FBN2: variants seen among roughly 807,000 people sequenced by gnomAD.
FBN2 encodes fibrillin-2.
FBN2 carries 105 observed loss-of-function variants against 355.6 expected under a neutral mutation model. That is an observed-to-expected ratio of 0.30 (90% CI 0.25 to 0.35). The LOEUF (loss-of-function observed/expected upper bound fraction) is 0.35. FBN2 is among the 10% of genes least tolerant of loss of function. The probability of loss-of-function intolerance (pLI) is 1.00; values close to 1 mark genes in which losing one functional copy is unlikely to be tolerated. For missense variants in FBN2, 3,280 were observed against 3,758.7 expected, an observed-to-expected ratio of 0.87 and a Z score of 3.33; for synonymous variants, 1,350 against 1,301.2, an observed-to-expected ratio of 1.04 and a Z score of -0.81.
At chr5:128,531,551 C>T (rs1756706041) in intron 2 of FBN2, among the ~76,000 whole-genome samples, 1 of 151,860 alleles carries the variant, frequency 6.6e-6, no homozygotes. Context: ...ACCCCAATAA[C>T]TTATGGAAAA....
At chr5:128,407,969 A>T (rs1206297685) in intron 8 of FBN2, among the ~76,000 whole-genome samples, 1 of 152,220 alleles carries the variant, frequency 6.6e-6, no homozygotes, top group Non-Finnish European at 1.5e-5. Context: ...CCTGCACTAC[A>T]TGAATCTTTA....
chr5:128,409,168 T>C (rs899821946), intron 7 of FBN2, among the ~76,000 whole-genome samples: 1 of 152,252 alleles, frequency 6.6e-6, no homozygotes, highest in Non-Finnish European at 1.5e-5. Flanking sequence ...CATTTTAAAA[T>C]ATAGAATAAC....
At chr5:128,260,060 T>C (rs1764927362) in intron 64 of FBN2, among the ~76,000 whole-genome samples, 1 of 152,148 alleles carries the variant, frequency 6.6e-6, no homozygotes, top group Admixed American at 6.5e-5. Flanking sequence ...TTAGGACTTC[T>C]CACTCAGCCT....
rs1201112793 is a variant in FBN2, at chr5:128,258,033, C to T, written c.*1422G>A. On this transcript the variant is annotated 3_prime_UTR_variant, in exon 65 of 65. Transcript: ENST00000262464. ...TCTTGATTACAAATTTACACTGTTCCTTTTTTCTTTTTAGTTATTAAAAAA... is the reference window on the plus strand; with the variant it reads ...TCTTGATTACAAATTTACACTGTTCTTTTTTTCTTTTTAGTTATTAAAAAA... 1 of 151,902 alleles carries T rather than the reference C, an allele frequency of 6.6e-6. No homozygotes were observed. The highest frequency in any genetic ancestry group is 2.4e-5 in the African/African-American group (1 of 40,966). 9.4% of individuals were successfully genotyped at this position (151,902 alleles called of 1,614,324 possible). A position where few individuals can be genotyped will look rare whatever the true frequency, so the allele number is the denominator to read the frequency against.
At chr5:128,500,035 C>A (rs1317380480) in intron 5 of FBN2, among the ~76,000 whole-genome samples, 1 of 152,082 alleles carries the variant, frequency 6.6e-6, no homozygotes, top group African/African-American at 2.4e-5. Context: ...TAAAGTGCAA[C>A]AATATTAGTC....
intron 2 of FBN2, among the ~76,000 whole-genome samples, chr5:128,535,304 AAGCATCTATCTC>A (rs747750208): frequency 3.5e-4 from 54 of 152,164 alleles, no homozygotes; most frequent in Non-Finnish European, 5.4e-4. Context: ...AAATAACATT[AAGCATCTATCTC>A]AAAACCACAA....
intron 6 of FBN2, among the ~76,000 whole-genome samples, chr5:128,460,552 C>A (rs750214490): frequency 7.2e-5 from 11 of 152,106 alleles, no homozygotes; most frequent in Non-Finnish European, 1.5e-5. Context: ...ATAACCAAGA[C>A]AATCCTAAGC....
intron 62 of FBN2, among the ~76,000 whole-genome samples, chr5:128,265,711 A>T (rs182004472): frequency 6.6e-6 from 1 of 152,362 alleles, no homozygotes; most frequent in African/African-American, 2.4e-5. Context: ...CTACATCTGT[A>T]CACTCTATCT....
chr5:128,393,988 G>GA (rs1367597967), intron 9 of FBN2, among the ~76,000 whole-genome samples: 1 of 151,648 alleles, frequency 6.6e-6, no homozygotes, highest in African/African-American at 2.4e-5. Flanking sequence ...GTATCAGAAG[G>GA]AAAAAAAATT....
At position 128,261,759 on chromosome 5, in the gene FBN2, T is replaced by C; in HGVS notation, c.8341A>G (p.Ile2781Val). 6.2e-7 allele frequency: 1 copy of C among 1,614,246 alleles called. No individual in the cohort carries two copies. The highest frequency in any genetic ancestry group is 1.3e-5 in the African/African-American group (1 of 75,078). The change falls in exon 64 of 65, where the codon ATT becomes GTT. Residue 2781 changes from isoleucine (I) to valine (V), a missense_variant. Coordinates refer to ENST00000262464, the MANE Select transcript of FBN2 (RefSeq NM_001999.4). Reference sequence around the variant, plus strand: ...ACAGCAGTGGGATCAGGTTCATGAATACTTCTCTTCTGCCTGCTGTCTTTC... The same window carrying C: ...ACAGCAGTGGGATCAGGTTCATGAACACTTCTCTTCTGCCTGCTGTCTTTC... ...SKKDSRQKRS[I>V]HEPDPTAVEQ...
chr5:128,482,978 T>C (rs1755237456), intron 5 of FBN2, among the ~76,000 whole-genome samples: 1 of 152,034 alleles, frequency 6.6e-6, no homozygotes, highest in Non-Finnish European at 1.5e-5. Flanking sequence ...ATAAAGAAAA[T>C]ATGGTACATA....
In FBN2 at chr5:128,305,005, T is replaced by C. The variant is rs780229106; in HGVS notation, c.5752A>G (p.Ile1918Val). 1.2e-6 allele frequency: 2 copies of C among 1,613,992 alleles called. No homozygotes were observed. The highest frequency in any genetic ancestry group is 1.7e-5 in the Admixed American group (1 of 59,946). The change falls in exon 45 of 65, where the codon ATC becomes GTC. Residue 1918 changes from isoleucine to valine, a missense_variant. This residue lies in a region of FBN2 where 2,284 missense variants were observed against 2,749.5 expected (regional missense o/e 0.83). Transcript: ENST00000262464. The stretch of plus-strand genomic sequence containing the variant: ...GAAGCCTTAAAGCCATTGTGGCAGA[T>C]GCACTGGTAACTTCCTTGCAGATCA... Reference protein sequence around the residue: ...CVDLQGSYQCICHNGFKASQD... With the variant: ...CVDLQGSYQCVCHNGFKASQD...
intron 32 of FBN2, among the ~76,000 whole-genome samples, 162 bp from the exon 33 acceptor site, chr5:128,330,857 A>C (rs1453782907): frequency 6.6e-6 from 1 of 152,230 alleles, no homozygotes; most frequent in Non-Finnish European, 1.5e-5. Flanking sequence ...CCAATGTCCA[A>C]TGTCCAGGCT....
rs184222750 is a variant in FBN2 at position 128,405,244 on chromosome 5, C to T, written c.1078+3430G>A. 5.3e-5 allele frequency among the ~76,000 whole-genome samples: 8 copies of T among 152,106 alleles called. No individual in the cohort carries two copies. The East Asian group carries it at 1.4e-3, about 26-fold the overall frequency. Reference sequence around the variant, plus strand: ...CCTATTTTGGGACTTAAAGGGTGAGCTGGATTTTAATGAGCATAGAAGGGG... The same window carrying T: ...CCTATTTTGGGACTTAAAGGGTGAGTTGGATTTTAATGAGCATAGAAGGGG... On this transcript the variant is annotated intron_variant, in intron 8 of 64. Coordinates refer to ENST00000262464, the MANE Select transcript of FBN2 (RefSeq NM_001999.4).
In FBN2 at chr5:128,292,453, A is replaced by G. The variant is rs116000457; in HGVS notation, c.6167-799T>C. Among the ~76,000 whole-genome samples, 378 of 152,258 alleles carry G rather than the reference A, an allele frequency of 2.5e-3. 1 individual carries two copies. The highest frequency in any genetic ancestry group is 8.7e-3 in the African/African-American group (362 of 41,540). On this transcript the variant is annotated intron_variant, in intron 48 of 64. Transcript: ENST00000262464. ...AACGTAAGCTCCATGAGGACATGAC[A>G]TGTCTGTCTGGCTCGCTGTTGCACC...
chr5:128,537,538 C>A lies in FBN2; in HGVS notation c.66G>T (p.Trp22Cys), dbSNP rs768008045. The A allele has an allele frequency of 6.3e-7, 1 of 1,593,956 alleles. No individual in the cohort carries two copies. Among genetic ancestry groups the A allele is most frequent in the Non-Finnish European group, 8.5e-7 (1 of 1,172,586 alleles). The change falls in exon 1 of 65, where the codon TGG becomes TGT. Residue 22 changes from tryptophan (W) to cysteine (C), a missense_variant. Physicochemically the swap from Trp to Cys is radical, Grantham distance 215 (BLOSUM62 -2). Around this residue, in one of 6 missense-constraint regions of FBN2, gnomAD observed 203 missense variants for 142.2 expected, o/e 1.43. Coordinates refer to ENST00000262464, the MANE Select transcript of FBN2 (RefSeq NM_001999.4). ...YFLWLGCVVL[W>C]AQGTAGQPQP... ...GAGGCTGGCCGGCCGTGCCCTGCGC[C>A]CAGAGCACCACACAGCCCAGCCACA... is the stretch of plus-strand genomic sequence containing the variant.
In FBN2 at chr5:128,392,082, A is replaced by G. The variant is rs746674169; in HGVS notation, c.1539T>C (p.Thr513=). ...TGCATTCACATCGGTAGCTTGAGAC[A>G]GTTGGTATACAGCGTCCATTTAAAC... ...NLCLNGRCIP[T]VSSYRCECNM... Residue 513 remains threonine (T), a synonymous_variant, in exon 11 of 65, where the codon ACT becomes ACC. Transcript: ENST00000262464. 2 of 1,613,262 alleles carry G rather than the reference A, an allele frequency of 1.2e-6. No homozygotes were observed. Among genetic ancestry groups the G allele is most frequent in the African/African-American group, 2.7e-5 (2 of 74,918 alleles).
At chr5:128,342,545 T>A (rs561979895) in intron 25 of FBN2, among the ~76,000 whole-genome samples, 3 of 151,854 alleles carry the variant, frequency 2.0e-5, no homozygotes, top group Admixed American at 2.0e-4. Context: ...TTTGAACCTG[T>A]GTATAAGTTG....
chr5:128,272,240 C>T lies in FBN2; in HGVS notation c.7841-122G>A, dbSNP rs1465400817. 1.9e-5 allele frequency: 21 copies of T among 1,106,574 alleles called. No homozygotes were observed. In the Admixed American group the frequency reaches 4.1e-4, roughly 22 times the overall value. 68.5% of individuals were successfully genotyped at this position (1,106,574 alleles called of 1,614,324 possible). A position where few individuals can be genotyped will look rare whatever the true frequency, so the allele number is the denominator to read the frequency against. On this transcript the variant is annotated intron_variant, in intron 61 of 64. Transcript: ENST00000262464. ...ACAAACAAACAAACAAGACATGACA[C>T]ATAGAGAGGCTGTCATTTTTCCAGG...
Sources: allele counts gnomAD v4.1 joint callset (sites outside exome capture counted in the v4.1 genomes callset), GRCh38; gene constraint gnomAD v4.1.1; regional missense constraint gnomAD v4.1.1; transcripts MANE v1.5; gene names NCBI Gene and HGNC (gene_info 2026-07-23, HGNC 2026-07-21).